TENM3: variants seen among roughly 807,000 people sequenced by gnomAD.
The protein encoded by TENM3 is teneurin-3.
In TENM3, 63 loss-of-function variants were observed where a neutral mutation model predicts 255.1. The ratio of observed to expected loss-of-function variants is 0.25; its 90% CI spans 0.20 to 0.30. The LOEUF (loss-of-function observed/expected upper bound fraction) is 0.30. TENM3 is among the 10% of genes least tolerant of loss of function. TENM3 has a pLI of 1.00. For synonymous variants in TENM3, 1,306 were observed against 1,322.3 expected (o/e 0.99, Z 0.27); for missense variants, 2,929 against 3,461.1 (o/e 0.85, Z 3.86).
the TENM3 span, among the ~76,000 whole-genome samples, chr4:181,839,444 G>T: frequency 7.1e-6 from 1 of 140,490 alleles, no homozygotes. Flanking sequence ...TATTTTGTGT[G>T]CATTGATATA....
At chr4:181,715,755 C>T in the TENM3 span, among the ~76,000 whole-genome samples, 2 of 152,166 alleles carry the variant, frequency 1.3e-5, no homozygotes, top group Non-Finnish European at 2.9e-5. Flanking sequence ...CACAAATTTC[C>T]AAAATGCCCT....
chr4:182,360,982 G>A (rs1765932699), intron 3 of TENM3, among the ~76,000 whole-genome samples: 1 of 152,052 alleles, frequency 6.6e-6, no homozygotes, highest in Non-Finnish European at 1.5e-5. Context: ...CACTTATGAA[G>A]CTTAGTTTGG....
intron 1 of TENM3, among the ~76,000 whole-genome samples, chr4:182,321,738 G>A (rs1270604099): frequency 6.6e-6 from 1 of 152,124 alleles, no homozygotes; most frequent in Non-Finnish European, 1.5e-5. Context: ...GAGGTCAGGA[G>A]ATGGAGGCCA....
rs1764853671 is a variant in TENM3 at position 182,346,864 on chromosome 4, G to T, written c.446G>T (p.Ser149Ile). ...TCAGGCCGCAGCTCCTGCCTGTCAA[G>T]TCGGTCCAACTCAGCCCTCACCCTG... ...VKSGRSSCLSSRSNSALTLTD... is the reference protein window; with the variant it reads ...VKSGRSSCLSIRSNSALTLTD... Residue 149 changes from serine (S) to isoleucine (I), a missense_variant, in exon 3 of 28, where the codon AGT becomes ATT. This residue lies in a region of TENM3 where 283 missense variants were observed against 256.9 expected (regional missense o/e 1.10). Transcript: ENST00000511685. 6 of 1,613,536 alleles carry T rather than the reference G, an allele frequency of 3.7e-6. No individual in the cohort carries two copies. Among genetic ancestry groups the T allele is most frequent in the Non-Finnish European group, 5.1e-6 (6 of 1,179,732 alleles).
the TENM3 span, among the ~76,000 whole-genome samples, chr4:182,124,724 G>A: frequency 6.6e-6 from 1 of 152,204 alleles, no homozygotes; most frequent in African/African-American, 2.4e-5. Context: ...GTTCAAGTAC[G>A]ATAAGTCCCT....
chr4:182,650,113 T>G (rs1280285738), intron 5 of TENM3, among the ~76,000 whole-genome samples: 1 of 150,584 alleles, frequency 6.6e-6, no homozygotes, highest in Non-Finnish European at 1.5e-5. Context: ...ATAATACCAA[T>G]GAAGTACTAG....
At chr4:182,070,267 A>C in the TENM3 span, among the ~76,000 whole-genome samples, 2 of 152,198 alleles carry the variant, frequency 1.3e-5, no homozygotes, top group Non-Finnish European at 2.9e-5. Flanking sequence ...ATTTTTGCAT[A>C]GTTCCGCAGC....
chr4:182,275,743 C>A (rs915799931), intron 1 of TENM3, among the ~76,000 whole-genome samples: 1 of 151,998 alleles, frequency 6.6e-6, no homozygotes, highest in Non-Finnish European at 1.5e-5. Flanking sequence ...TTGAGACCAG[C>A]CTGGGCAGCA....
chr4:181,755,770 T>C, the TENM3 span, among the ~76,000 whole-genome samples: 1 of 152,158 alleles, frequency 6.6e-6, no homozygotes, highest in African/African-American at 2.4e-5. Context: ...GCTGTGGGAA[T>C]AGACTACTAT....
At chr4:181,618,751 G>A in the TENM3 span, among the ~76,000 whole-genome samples, 7 of 152,136 alleles carry the variant, frequency 4.6e-5, no homozygotes, top group African/African-American at 1.7e-4. Flanking sequence ...TTTACAAAAG[G>A]GATCTTACAA....
At chr4:182,689,708 G>A (rs1328263306) in intron 12 of TENM3, among the ~76,000 whole-genome samples, 5 of 152,174 alleles carry the variant, frequency 3.3e-5, no homozygotes. Flanking sequence ...CGACATATTT[G>A]CAGTATTTCT....
At chr4:182,147,656 G>A (rs1465080443) in intron 1 of TENM3, among the ~76,000 whole-genome samples, 2 of 152,062 alleles carry the variant, frequency 1.3e-5, no homozygotes, top group African/African-American at 2.4e-5. Flanking sequence ...TCAGATATCC[G>A]TTTGGACTTC....
chr4:181,496,952 G>C, the TENM3 span, among the ~76,000 whole-genome samples: 2 of 141,856 alleles, frequency 1.4e-5, no homozygotes, highest in African/African-American at 6.3e-5. Flanking sequence ...TTTCATTGAA[G>C]ACTGATTTCA....
the TENM3 span, among the ~76,000 whole-genome samples, chr4:181,993,954 G>T: frequency 6.6e-6 from 1 of 152,068 alleles, no homozygotes; most frequent in South Asian, 2.1e-4. Context: ...TATTAAGAGT[G>T]AGTTTGCTTT....
chr4:182,381,478 C>T (rs1480879906), intron 3 of TENM3, among the ~76,000 whole-genome samples: 3 of 152,040 alleles, frequency 2.0e-5, no homozygotes, highest in Admixed American at 2.0e-4. Context: ...CCCCTAGGGC[C>T]TGAGATTTGA....
At chr4:181,520,462 G>A in the TENM3 span, among the ~76,000 whole-genome samples, 2 of 152,074 alleles carry the variant, frequency 1.3e-5, no homozygotes, top group Non-Finnish European at 2.9e-5. Context: ...TATCTCTAAG[G>A]AGATTGAAAG....
chr4:182,650,050 G>GAA (rs1324429109), intron 5 of TENM3, among the ~76,000 whole-genome samples: 2 of 149,414 alleles, frequency 1.3e-5, no homozygotes, highest in Admixed American at 1.3e-4. Flanking sequence ...GATTTAAAAC[G>GAA]AAAAAAAATA....
chr4:181,589,298 T>C, the TENM3 span, among the ~76,000 whole-genome samples: 3 of 152,360 alleles, frequency 2.0e-5, no homozygotes, highest in Admixed American at 2.0e-4. Flanking sequence ...GTTCTGACTC[T>C]ATGTCGTTTT....
chr4:181,667,232 A>T, the TENM3 span, among the ~76,000 whole-genome samples: 1 of 152,082 alleles, frequency 6.6e-6, no homozygotes, highest in African/African-American at 2.4e-5. Flanking sequence ...CCGTCCATTA[A>T]TTCCTACTTT....
Sources: gnomAD v4.1 joint callset for allele counts (sites outside exome capture counted in the v4.1 genomes callset) on GRCh38, gnomAD v4.1.1 for gene constraint, gnomAD v4.1.1 regional missense constraint, MANE v1.5 for transcripts, NCBI Gene and HGNC (gene_info 2026-07-23, HGNC 2026-07-21) for gene names.